TTK: variants seen among roughly 807,000 people sequenced by gnomAD.
TTK encodes TTK protein kinase.
A neutral mutation model predicts 117.3 loss-of-function variants in TTK; 59 were observed. The observed-to-expected ratio is 0.50, with a 90% CI of 0.41 to 0.62. TTK has a LOEUF of 0.62. TTK is among the 20% of genes least tolerant of loss of function. The pLI is 0.00. For missense variants in TTK, 921 were observed against 989.4 expected (o/e 0.93, Z 0.93); for synonymous variants, 302 against 325.0 (o/e 0.93, Z 0.76).
At chr6:80,022,177 G>T in intron 10 of TTK, 147 bp from the exon 11 acceptor site, 1 of 815,050 alleles carries the variant, frequency 1.2e-6, no homozygotes, top group South Asian at 2.7e-5. Context: ...TTGTTAAGCA[G>T]CTGGCTTAAA....
intron 10 of TTK, among the ~76,000 whole-genome samples, chr6:80,019,605 C>T (rs896165350): frequency 2.6e-5 from 4 of 152,032 alleles, no homozygotes; most frequent in Non-Finnish European, 5.9e-5. Flanking sequence ...AAGTTGTTTC[C>T]CTGTTAACCA....
At chr6:80,032,838 G>T (rs1323689838) in intron 14 of TTK, among the ~76,000 whole-genome samples, 1 of 151,930 alleles carries the variant, frequency 6.6e-6, no homozygotes, top group Non-Finnish European at 1.5e-5. Context: ...TGCCCTCCTG[G>T]TCTATTTTTT....
At chr6:80,019,078 C>T (rs1043630423) in intron 10 of TTK, among the ~76,000 whole-genome samples, 10 of 152,100 alleles carry the variant, frequency 6.6e-5, no homozygotes, top group African/African-American at 2.2e-4. Flanking sequence ...CTATCAATTG[C>T]TAATATTTCG....
intron 14 of TTK, among the ~76,000 whole-genome samples, chr6:80,034,575 A>G (rs1158255982): frequency 6.6e-6 from 1 of 152,108 alleles, no homozygotes; most frequent in African/African-American, 2.4e-5. Flanking sequence ...CAATTGTCCC[A>G]CCTCAGCCTT....
chr6:80,025,222 T>G (rs1351575478), intron 11 of TTK, among the ~76,000 whole-genome samples: 1 of 152,224 alleles, frequency 6.6e-6, no homozygotes, highest in Non-Finnish European at 1.5e-5. Context: ...ATTACAGCAG[T>G]TCCTCAGTAA....
chr6:80,004,769 A>T (rs1029853921), intron 1 of TTK, 56 bp downstream of exon 1: 1 of 137,080 alleles, frequency 7.3e-6, no homozygotes, highest in African/African-American at 2.8e-5. Context: ...CAGCCGGTGT[A>T]GGGGCTCATT....
chr6:80,026,640 A>AT lies in TTK; in HGVS notation c.1394+132dup. On this transcript the variant is annotated intron_variant, in intron 12 of 21. Transcript: ENST00000369798. ...TTTAAAGACTTTCCATCTTCATATT[A>AT]TTTTTTCAGCATCAGTGTTTTCATC... The AT allele has an allele frequency of 4.4e-6, 6 of 1,351,656 alleles. No homozygotes were observed. In the South Asian group the frequency reaches 5.5e-5, roughly 12 times the overall value. The allele number at this position is 1,351,656 out of a possible 1,614,324, so 83.7% of individuals were successfully genotyped here.
intron 21 of TTK, among the ~76,000 whole-genome samples, chr6:80,041,844 A>G (rs902548175): frequency 6.6e-6 from 1 of 151,678 alleles, no homozygotes; most frequent in African/African-American, 2.4e-5. Context: ...AGAGATAAAG[A>G]AGGCCTTGAA....
At chr6:80,032,264 T>C (rs1767778586) in intron 14 of TTK, among the ~76,000 whole-genome samples, 1 of 152,178 alleles carries the variant, frequency 6.6e-6, no homozygotes, top group Non-Finnish European at 1.5e-5. Context: ...ATTTTTTTTT[T>C]CGCAGTGAAG....
intron 2 of TTK, among the ~76,000 whole-genome samples, chr6:80,007,510 T>G (rs1160037542): frequency 2.6e-5 from 4 of 152,052 alleles, no homozygotes; most frequent in African/African-American, 9.7e-5. Context: ...AGCATAAAAT[T>G]TTCTTAAACT....
intron 10 of TTK, among the ~76,000 whole-genome samples, chr6:80,018,626 CAAAAAAAA>C (rs398048650): frequency 2.3e-5 from 2 of 87,354 alleles, no homozygotes; most frequent in African/African-American, 8.3e-5. Context: ...GACTCCGTCT[CAAAAAAAA>C]AAAAAAAAAA....
chr6:80,021,639 G>C (rs1375265699), intron 10 of TTK, among the ~76,000 whole-genome samples: 3 of 152,222 alleles, frequency 2.0e-5, no homozygotes, highest in Admixed American at 6.5e-5. Flanking sequence ...AAGAGATGCA[G>C]GAGTGGTGCA....
At chr6:80,039,434 TGGGAA>T (rs1404072112) in intron 18 of TTK, among the ~76,000 whole-genome samples, 1 of 151,840 alleles carries the variant, frequency 6.6e-6, no homozygotes, top group Non-Finnish European at 1.5e-5. Flanking sequence ...TTTCACAAGT[TGGGAA>T]GAATTTAATA....
chr6:80,011,386 C>T (rs769937621), intron 5 of TTK, 48 bp from the exon 6 acceptor site: 24 of 1,292,918 alleles, frequency 1.9e-5, no homozygotes, highest in South Asian at 3.0e-5. Context: ...CTTTTTTGTA[C>T]TTGTCTTATT....
At chr6:80,013,428 A>G (rs564971570) in intron 9 of TTK, 62 bp downstream of exon 9, 26 of 1,350,500 alleles carry the variant, frequency 1.9e-5, no homozygotes, top group Middle Eastern at 2.2e-4. Flanking sequence ...ATCAGTATTC[A>G]TGGAGCTTTT....
intron 14 of TTK, among the ~76,000 whole-genome samples, chr6:80,032,670 A>G (rs1767790618): frequency 1.3e-5 from 2 of 152,146 alleles, no homozygotes; most frequent in Admixed American, 1.3e-4. Context: ...TCTCATACAC[A>G]TATCTAGCCA....
rs746493315 is a variant in TTK, at chr6:80,031,587, A to C, written c.1614+28A>C. On this transcript the variant is annotated intron_variant, in intron 14 of 21. Coordinates refer to ENST00000369798, the MANE Select transcript of TTK (RefSeq NM_003318.5). ...AAGTATCTTAAAATATTTACGAAAT[A>C]AATAAAAATATTTTAAACTTTCTGT... is the stretch of plus-strand genomic sequence containing the variant. 7 of 1,424,632 alleles carry C rather than the reference A, an allele frequency of 4.9e-6. No homozygotes were observed. In the Admixed American group the frequency reaches 1.6e-4, roughly 33 times the overall value. 88.2% of individuals were successfully genotyped at this position (1,424,632 alleles called of 1,614,324 possible). A position where few individuals can be genotyped will look rare whatever the true frequency, so the allele number is the denominator to read the frequency against.
intron 10 of TTK, among the ~76,000 whole-genome samples, chr6:80,019,000 T>G (rs1767389628): frequency 6.6e-6 from 1 of 152,228 alleles, no homozygotes; most frequent in South Asian, 2.1e-4. Context: ...ACATTGACTT[T>G]CAAATGTTAA....
intron 11 of TTK, 51 bp from the exon 12 acceptor site, chr6:80,026,327 A>C (rs760504870): frequency 6.4e-7 from 1 of 1,566,954 alleles, no homozygotes; most frequent in Non-Finnish European, 8.6e-7. Context: ...AAACTAGTGA[A>C]CAGGCAACTA....
Sources: allele counts gnomAD v4.1 joint callset (sites outside exome capture counted in the v4.1 genomes callset), GRCh38; gene constraint gnomAD v4.1.1; transcripts MANE v1.5; gene names NCBI Gene and HGNC (gene_info 2026-07-23, HGNC 2026-07-21).